The following ABHD18 variants were observed in gnomAD, a reference collection of about 807,000 sequenced individuals.
ABHD18 encodes the protein cardiolipin-specific deacylase, mitochondrial.
ABHD18 carries 55 observed loss-of-function variants against 65.9 expected under a neutral mutation model. The observed-to-expected ratio is 0.84, with a 90% CI of 0.67 to 1.05. ABHD18 has a LOEUF of 1.05. ABHD18 is among the 50% of genes least tolerant of loss of function. The probability of loss-of-function intolerance (pLI) is 0.00; values close to 1 mark genes in which losing one functional copy is unlikely to be tolerated. For synonymous variants in ABHD18, 181 were observed against 180.2 expected, an observed-to-expected ratio of 1.00 and a Z score of -0.04; for missense variants, 533 against 558.5, an observed-to-expected ratio of 0.95 and a Z score of 0.46.
intron 1 of ABHD18, among the ~76,000 whole-genome samples, chr4:127,978,858 T>C (rs1419958505): frequency 3.3e-5 from 5 of 152,162 alleles, no homozygotes; most frequent in African/African-American, 9.7e-5. Flanking sequence ...ATAGAAAATA[T>C]TGTTAAGTTG....
chr4:128,036,214 C>T lies in ABHD18; in HGVS notation c.*401C>T, dbSNP rs1758871568. On this transcript the variant is annotated 3_prime_UTR_variant, in exon 13 of 13. Transcript: ENST00000645843. ...TAATATATCAGCATTTACTTTGTAC[C>T]CTTATAACATTTCACTCTTGACTTG... 1 of 152,778 alleles carries T rather than the reference C, an allele frequency of 6.5e-6. No homozygotes were observed. The highest frequency in any genetic ancestry group is 1.5e-5 in the Non-Finnish European group (1 of 68,696). 9.5% of individuals were successfully genotyped at this position (152,778 alleles called of 1,614,324 possible).
intron 1 of ABHD18, among the ~76,000 whole-genome samples, chr4:127,975,960 G>A (rs1747838992): frequency 6.6e-6 from 1 of 151,952 alleles, no homozygotes. Context: ...TGAGTATCTG[G>A]GATTACAGAC....
At chr4:127,997,341 G>A (rs1751907969) in intron 4 of ABHD18, among the ~76,000 whole-genome samples, 1 of 152,136 alleles carries the variant, frequency 6.6e-6, no homozygotes. Context: ...ACTCTCTGGA[G>A]ATCAGGAAAT....
At chr4:128,017,536 G>A in intron 8 of ABHD18, 35 bp downstream of exon 8, 5 of 1,538,912 alleles carry the variant, frequency 3.2e-6, no homozygotes, top group Non-Finnish European at 4.4e-6. Context: ...ATTTAATTAT[G>A]TTTATGTTTG....
intron 10 of ABHD18, among the ~76,000 whole-genome samples, chr4:128,022,990 C>T (rs1333756250): frequency 6.6e-6 from 1 of 152,028 alleles, no homozygotes; most frequent in Non-Finnish European, 1.5e-5. Context: ...AGGCTGGTCT[C>T]AAACTCCTGA....
chr4:127,982,280 A>G (rs562285379), intron 1 of ABHD18, among the ~76,000 whole-genome samples: 10 of 152,354 alleles, frequency 6.6e-5, no homozygotes, highest in African/African-American at 2.2e-4. Flanking sequence ...AAACCATACC[A>G]TTCAGTTTGA....
At chr4:127,968,331 G>T (rs1746089658) in intron 1 of ABHD18, among the ~76,000 whole-genome samples, 1 of 152,216 alleles carries the variant, frequency 6.6e-6, no homozygotes, top group Admixed American at 6.5e-5. Flanking sequence ...GATATCTGAG[G>T]TATCTAAACC....
chr4:128,015,300 G>A (rs559161584), intron 7 of ABHD18, among the ~76,000 whole-genome samples: 4 of 152,016 alleles, frequency 2.6e-5, no homozygotes, highest in Non-Finnish European at 2.9e-5. Flanking sequence ...CTTCTCTGTC[G>A]CTCTCTCTTT....
intron 4 of ABHD18, chr4:128,001,700 C>A: frequency 6.5e-7 from 1 of 1,542,304 alleles, no homozygotes; most frequent in South Asian, 1.2e-5. Flanking sequence ...TTGGTGTGTT[C>A]TTTTCTGTCT....
intron 3 of ABHD18, among the ~76,000 whole-genome samples, chr4:127,989,092 T>C (rs956315306): frequency 6.6e-6 from 1 of 152,150 alleles, no homozygotes; most frequent in Admixed American, 6.6e-5. Context: ...TATTGAACCA[T>C]AAAAAAGAAT....
rs61578534 is a variant in ABHD18, at chr4:128,039,144, C to CATATATAT, written c.*3365_*3372dup. The CATATATAT allele has an allele frequency of 2.6e-4, 26 of 99,738 alleles. No homozygotes were observed. The highest frequency in any genetic ancestry group is 4.0e-4 in the Non-Finnish European group (20 of 49,850). 6.2% of individuals were successfully genotyped at this position (99,738 alleles called of 1,614,324 possible). ...TATGTATTATATATACACACATATG[C>CATATATAT]ATATATATATATATATATATATATA... On this transcript the variant is annotated 3_prime_UTR_variant, in exon 13 of 13. Coordinates refer to ENST00000645843, the MANE Select transcript of ABHD18 (RefSeq NM_001358451.3).
Position 128,039,952 on chromosome 4 carries a change from C to T in ABHD18, c.*4139C>T, listed in dbSNP as rs906476649. 24 of 152,040 alleles carry T rather than the reference C, an allele frequency of 1.6e-4. No individual in the cohort carries two copies. Among genetic ancestry groups the T allele is most frequent in the Admixed American group, 1.6e-3 (24 of 15,240 alleles). 9.4% of individuals were successfully genotyped at this position (152,040 alleles called of 1,614,324 possible). ...GAGGGAAATAAACATTCTTACAGAC[C>T]ATAGTTATCTCAATGTTGCTCAATG... On this transcript the variant is annotated 3_prime_UTR_variant, in exon 13 of 13. Transcript: ENST00000645843.
At chr4:127,985,242 G>A (rs1323429359) in intron 3 of ABHD18, among the ~76,000 whole-genome samples, 1 of 151,778 alleles carries the variant, frequency 6.6e-6, no homozygotes, top group African/African-American at 2.4e-5. Context: ...TTTTTAAGGA[G>A]GCACCTGGTT....
Position 128,039,766 on chromosome 4 carries a change from C to T in ABHD18, c.*3953C>T, listed in dbSNP as rs1399880772. On this transcript the variant is annotated 3_prime_UTR_variant, in exon 13 of 13. Coordinates refer to ENST00000645843, the MANE Select transcript of ABHD18 (RefSeq NM_001358451.3). ...TTGTAAATACGGTAGACACATGTCACATTTGATTAATGTACCCAAACTTGA... is the reference window on the plus strand; with the variant it reads ...TTGTAAATACGGTAGACACATGTCATATTTGATTAATGTACCCAAACTTGA... 1 of 151,954 alleles carries T rather than the reference C, an allele frequency of 6.6e-6. No individual in the cohort carries two copies. Among genetic ancestry groups the T allele is most frequent in the African/African-American group, 2.4e-5 (1 of 41,362 alleles). The allele number at this position is 151,954 out of a possible 1,614,324, so 9.4% of individuals were successfully genotyped here. A position where few individuals can be genotyped will look rare whatever the true frequency, so the allele number is the denominator to read the frequency against.
chr4:128,028,859 A>G lies in ABHD18; in HGVS notation c.1180+6A>G, dbSNP rs1465650640. On this transcript the variant is annotated splice_donor_region_variant and intron_variant, in intron 11 of 12. Transcript: ENST00000645843. The stretch of plus-strand genomic sequence containing the variant: ...TCATGTAGCAAATTTCTCAGGTACT[A>G]ATTTTTATATGAAATTGAGAATATT... 6.6e-7 allele frequency: 1 copy of G among 1,520,946 alleles called. No homozygotes were observed. The highest frequency in any genetic ancestry group is 2.3e-5 in the Admixed American group (1 of 42,612). The allele number at this position is 1,520,946 out of a possible 1,614,324, so 94.2% of individuals were successfully genotyped here. A position where few individuals can be genotyped will look rare whatever the true frequency, so the allele number is the denominator to read the frequency against.
At chr4:128,033,772 G>A (rs760089989) in intron 12 of ABHD18, among the ~76,000 whole-genome samples, 19 of 151,540 alleles carry the variant, frequency 1.3e-4, no homozygotes, top group Middle Eastern at 3.2e-3. Flanking sequence ...TCCTGACCTC[G>A]TGATCCGCCT....
rs1434623382 is a variant in ABHD18, at chr4:127,981,043, A to G, written c.-17-1896A>G. Among the ~76,000 whole-genome samples the G allele has an allele frequency of 2.6e-5, 4 of 152,230 alleles. No individual in the cohort carries two copies. In the East Asian group the frequency reaches 7.7e-4, roughly 29 times the overall value. On this transcript the variant is annotated intron_variant, in intron 1 of 12. Coordinates refer to ENST00000645843, the MANE Select transcript of ABHD18 (RefSeq NM_001358451.3). The stretch of plus-strand genomic sequence containing the variant: ...AATTTTCAACAAATCTCATTGGAAC[A>G]TAGTAATGGGTAGATTTCAAGAGGT...
At chr4:127,979,805 A>G (rs1291001642) in intron 1 of ABHD18, among the ~76,000 whole-genome samples, 1 of 149,908 alleles carries the variant, frequency 6.7e-6, no homozygotes, top group Non-Finnish European at 1.5e-5. Context: ...AATCCCAGCT[A>G]TTTAGGAGGC....
At chr4:128,011,636 A>G in intron 6 of ABHD18, 37 bp from the exon 7 acceptor site, 1 of 1,508,206 alleles carries the variant, frequency 6.6e-7, no homozygotes, top group Non-Finnish European at 8.9e-7. Context: ...AAATTATTTA[A>G]TTATTTTAAA....
Sources: gnomAD v4.1 joint callset for allele counts (sites outside exome capture counted in the v4.1 genomes callset) on GRCh38, gnomAD v4.1.1 for gene constraint, MANE v1.5 for transcripts, NCBI Gene and HGNC (gene_info 2026-07-23, HGNC 2026-07-21) for gene names.